TPPP: variants seen among roughly 807,000 people sequenced by gnomAD.
TPPP encodes tubulin polymerization promoting protein, also known as tubulin polymerization-promoting protein.
TPPP carries 6 observed loss-of-function variants against 15.5 expected under a neutral mutation model. That is an observed-to-expected ratio of 0.39 (90% confidence interval 0.21 to 0.77). TPPP has a LOEUF of 0.77. TPPP is among the 30% of genes least tolerant of loss of function. TPPP has a pLI of 0.42. For synonymous variants in TPPP, 146 were observed against 133.9 expected (o/e 1.09, Z -0.63); for missense variants, 269 against 307.2 (o/e 0.88, Z 0.93).
chr5:665,941 G>GCCCCGCCTTCCAT, intron 3 of TPPP, 29 bp downstream of exon 3: 1 of 378,594 alleles, frequency 2.6e-6, no homozygotes, highest in Non-Finnish European at 4.1e-6. Flanking sequence ...CCCCCTCCAG[G>GCCCCGCCTTCCAT]CCCCGCCTTC....
At chr5:698,985 A>T in the TPPP span, among the ~76,000 whole-genome samples, 1 of 152,038 alleles carries the variant, frequency 6.6e-6, no homozygotes, top group Non-Finnish European at 1.5e-5. Flanking sequence ...TATAAGGAGA[A>T]CTACAACACA....
chr5:669,807 C>T (rs1391206143), intron 2 of TPPP, among the ~76,000 whole-genome samples: 2 of 152,074 alleles, frequency 1.3e-5, no homozygotes, highest in Admixed American at 6.5e-5. Context: ...CCCGGGTGCC[C>T]CCCGCCTGGG....
upstream of TPPP, among the ~76,000 whole-genome samples, chr5:694,017 C>T (rs1254048511): frequency 6.0e-5 from 5 of 83,338 alleles, no homozygotes; most frequent in Admixed American, 3.4e-4. Flanking sequence ...CCGCCCTTCA[C>T]GCAGGAGTGG....
rs1243679579 is a variant in TPPP, at chr5:681,715, C to A, written c.-4-3651G>T. ...CCTCCCCAGGGAGTCAGGAGGATGG[C>A]ACCTACGGGCTCACCCACGGGTGTG... On this transcript the variant is annotated intron_variant, in intron 1 of 3. Transcript: ENST00000360578. Among the ~76,000 whole-genome samples, 3 of 139,562 alleles carry A rather than the reference C, an allele frequency of 2.1e-5. No homozygotes were observed. In the South Asian group the frequency reaches 7.9e-4, roughly 37 times the overall value. 91.6% of individuals were successfully genotyped at this position (139,562 alleles called of 152,430 possible).
Position 665,172 on chromosome 5 carries a change from T to A in TPPP, c.590A>T (p.Asp197Val). The A allele has an allele frequency of 6.2e-7, 1 of 1,613,648 alleles. No homozygotes were observed. The highest frequency in any genetic ancestry group is 8.5e-7 in the Non-Finnish European group (1 of 1,179,962). ...GTAGCCGGACACATAGCCTGACTCG[T>A]CCACCAGATCCACGCGGCCAGCCTT... Reference protein sequence around the residue: ...KGKAGRVDLVDESGYVSGYKH... With the variant: ...KGKAGRVDLVVESGYVSGYKH... Residue 197 changes from aspartate (D) to valine (V), a missense_variant, in exon 4 of 4, where the codon GAC becomes GTC. Asp to Val is a radical substitution (Grantham distance 152). Transcript: ENST00000360578.
intron 2 of TPPP, among the ~76,000 whole-genome samples, chr5:677,495 C>T (rs1740489079): frequency 2.0e-5 from 3 of 152,228 alleles, no homozygotes; most frequent in Admixed American, 6.5e-5. Flanking sequence ...TACACACCCA[C>T]GGGGCTGAGA....
chr5:665,225 G>C lies in TPPP; in HGVS notation c.537C>G (p.Arg179=). The C allele has an allele frequency of 8.7e-6, 14 of 1,613,886 alleles. No homozygotes were observed. Among genetic ancestry groups the C allele is most frequent in the Non-Finnish European group, 1.2e-5 (14 of 1,179,960 alleles). The change falls in exon 4 of 4, where the codon CGC becomes CGG. Residue 179 remains arginine, a synonymous_variant. Transcript: ENST00000360578. ...TTKFTGSHKE[R]FDPSGKGKGK... ...CCTTGCCCTTGCCAGAGGGGTCGAA[G>C]CGCTCCTTGTGGGAGCCCGTGAACT...
At chr5:668,584 C>T (rs115312788) in intron 2 of TPPP, among the ~76,000 whole-genome samples, 3,414 of 152,326 alleles carry the variant, frequency 0.022, 135 homozygotes, top group African/African-American at 0.078. Context: ...GAGCAGGCCG[C>T]GGGGTGGGGG....
intron 2 of TPPP, among the ~76,000 whole-genome samples, chr5:673,569 G>T (rs116560004): frequency 0.01 from 1,533 of 152,218 alleles, 29 homozygotes; most frequent in African/African-American, 0.035. Flanking sequence ...GCCCACTCAC[G>T]GTGCCCAGCC....
rs75273371 is a variant in TPPP, at chr5:663,245, G to A, written c.*1857C>T. ...GATTCCGAACCGCACATTCAGAGTTGTTTTCAAATGTTTCCGCACGTTAGT... is the reference window on the plus strand; with the variant it reads ...GATTCCGAACCGCACATTCAGAGTTATTTTCAAATGTTTCCGCACGTTAGT... On this transcript the variant is annotated 3_prime_UTR_variant, in exon 4 of 4. Coordinates refer to ENST00000360578, the MANE Select transcript of TPPP (RefSeq NM_007030.3). 1 of 152,266 alleles carries A rather than the reference G, an allele frequency of 6.6e-6. No homozygotes were observed. Among genetic ancestry groups the A allele is most frequent in the African/African-American group, 2.4e-5 (1 of 41,440 alleles). The allele number at this position is 152,266 out of a possible 1,614,324, so 9.4% of individuals were successfully genotyped here.
chr5:679,733 G>A (rs1389531852), intron 1 of TPPP, among the ~76,000 whole-genome samples: 12 of 152,040 alleles, frequency 7.9e-5, no homozygotes, highest in Non-Finnish European at 4.4e-5. Flanking sequence ...CTGTGGGGAC[G>A]CGCCTGAACA....
chr5:687,036 C>T lies in TPPP; in HGVS notation c.-5+6242G>A. 1.5e-5 allele frequency among the ~76,000 whole-genome samples: 2 copies of T among 132,146 alleles called. 1 individual carries two copies. The highest frequency in any genetic ancestry group is 3.5e-5 in the Non-Finnish European group (2 of 57,162). 86.7% of individuals were successfully genotyped at this position (132,146 alleles called of 152,430 possible). On this transcript the variant is annotated intron_variant, in intron 1 of 3. Transcript: ENST00000360578. ...CATATCATTTCATAAATTACCATGC[C>T]TGGTGCTGTTACAGCAACACACACG...
upstream of TPPP, among the ~76,000 whole-genome samples, chr5:698,287 C>T (rs1179279435): frequency 6.6e-6 from 1 of 152,056 alleles, no homozygotes; most frequent in Non-Finnish European, 1.5e-5. Flanking sequence ...CACTCTTATT[C>T]AACACAGTAC....
At chr5:686,621 C>T (rs888629750) in intron 1 of TPPP, among the ~76,000 whole-genome samples, 13 of 143,818 alleles carry the variant, frequency 9.0e-5, no homozygotes, top group Non-Finnish European at 7.6e-5. Flanking sequence ...TGAACGCGAC[C>T]TTGTTTGGAG....
At chr5:669,009 A>G (rs1740079722) in intron 2 of TPPP, among the ~76,000 whole-genome samples, 1 of 152,228 alleles carries the variant, frequency 6.6e-6, no homozygotes, top group Admixed American at 6.5e-5. Flanking sequence ...TGTCCTAAAG[A>G]CACAACAGAC....
chr5:699,920 G>T, the TPPP span, among the ~76,000 whole-genome samples: 1 of 151,670 alleles, frequency 6.6e-6, no homozygotes, highest in Non-Finnish European at 1.5e-5. Flanking sequence ...AGTCAGAATG[G>T]CTATTATTAA....
chr5:672,397 T>C (rs1740254857), intron 2 of TPPP, among the ~76,000 whole-genome samples: 1 of 152,214 alleles, frequency 6.6e-6, no homozygotes, highest in South Asian at 2.1e-4. Context: ...GAAACGTCAG[T>C]GCATTTACTT....
intron 2 of TPPP, among the ~76,000 whole-genome samples, chr5:671,157 G>C (rs1246529621): frequency 3.9e-5 from 6 of 152,206 alleles, no homozygotes. Flanking sequence ...GGGGCCGCCT[G>C]GGATCAGCGC....
rs1739828355 is a variant in TPPP, at chr5:664,876, TAGG to T, written c.*223_*225del. On this transcript the variant is annotated 3_prime_UTR_variant, in exon 4 of 4. Transcript: ENST00000360578. The stretch of plus-strand genomic sequence containing the variant: ...ATGGCTGAGGACGAGGCAGGTGTAT[TAGG>T]AGGGTCAGCGAACTGGGGCCCAAAC... 1.7e-6 allele frequency: 1 copy of T among 572,426 alleles called. No homozygotes were observed. The highest frequency in any genetic ancestry group is 3.1e-6 in the Non-Finnish European group (1 of 320,736). 35.5% of individuals were successfully genotyped at this position (572,426 alleles called of 1,614,324 possible).
Sources: gnomAD v4.1 joint callset for allele counts (sites outside exome capture counted in the v4.1 genomes callset) on GRCh38, gnomAD v4.1.1 for gene constraint, MANE v1.5 for transcripts, NCBI Gene and HGNC (gene_info 2026-07-23, HGNC 2026-07-21) for gene names.